HADH: variants seen among roughly 807,000 people sequenced by gnomAD.
The protein encoded by HADH is hydroxyacyl-CoA dehydrogenase.
HADH carries 24 observed loss-of-function variants against 32.2 expected under a neutral mutation model. The ratio of observed to expected loss-of-function variants is 0.75; its 90% CI spans 0.54 to 1.05. The LOEUF (loss-of-function observed/expected upper bound fraction) is 1.05. Ranked by LOEUF, HADH falls within the 50% of genes least tolerant of loss-of-function variation. The probability of loss-of-function intolerance (pLI) is 0.00; values close to 1 mark genes in which losing one functional copy is unlikely to be tolerated. For missense variants in HADH, 350 were observed against 397.1 expected (o/e 0.88, Z 1.01); for synonymous variants, 139 against 152.5 (o/e 0.91, Z 0.65).
chr4:108,019,389 A>G, intron 3 of HADH, 151 bp from the exon 4 acceptor site: 1 of 743,168 alleles, frequency 1.3e-6, no homozygotes, highest in South Asian at 1.4e-5. Context: ...TCAGCCTCTT[A>G]TATGAAGATG....
chr4:108,010,703 A>G (rs978430896), intron 2 of HADH, among the ~76,000 whole-genome samples: 1 of 152,168 alleles, frequency 6.6e-6, no homozygotes, highest in Non-Finnish European at 1.5e-5. Context: ...ATTTTAAACT[A>G]TACAATTCAG....
intron 1 of HADH, among the ~76,000 whole-genome samples, chr4:107,994,161 CTCT>C (rs1174503556): frequency 6.6e-6 from 1 of 152,050 alleles, no homozygotes; most frequent in Non-Finnish European, 1.5e-5. Context: ...TAGTGCACTA[CTCT>C]TCTTTGAGGA....
intron 5 of HADH, chr4:108,026,460 A>G (rs1168145543): frequency 6.6e-6 from 1 of 152,224 alleles, no homozygotes; most frequent in Non-Finnish European, 1.5e-5. Context: ...TTGAGTCTAT[A>G]GTGAACCTTT....
intron 1 of HADH, 152 bp downstream of exon 1, chr4:107,990,216 C>G (rs972768857): frequency 2.9e-4 from 232 of 811,254 alleles, no homozygotes; most frequent in Non-Finnish European, 2.7e-4. Flanking sequence ...TATCTCGCGT[C>G]TGGGCCTGTG....
intron 6 of HADH, chr4:108,032,399 T>A: frequency 3.3e-6 from 5 of 1,527,658 alleles, no homozygotes; most frequent in Non-Finnish European, 4.5e-6. Flanking sequence ...AAAAGGTTTG[T>A]GTGAAATGTG....
At chr4:107,998,626 A>G (rs753425037) in intron 1 of HADH, among the ~76,000 whole-genome samples, 9 of 152,288 alleles carry the variant, frequency 5.9e-5, no homozygotes, top group Admixed American at 2.0e-4. Flanking sequence ...GGTGAGGCCA[A>G]GAGAAGGGCT....
At chr4:108,023,363 C>CA in intron 4 of HADH, 111 bp from the exon 5 acceptor site, 2 of 733,032 alleles carry the variant, frequency 2.7e-6, no homozygotes, top group Non-Finnish European at 2.5e-6. Context: ...TGCTGAAACT[C>CA]AAACTATTTT....
At chr4:108,009,951 TG>T in intron 2 of HADH, 64 bp downstream of exon 2, 1 of 1,098,166 alleles carries the variant, frequency 9.1e-7, no homozygotes, top group Non-Finnish European at 1.4e-6. Flanking sequence ...TGCAGGGCAA[TG>T]GGGGATTTCT....
chr4:108,005,006 G>T, intron 1 of HADH: 2 of 991,972 alleles, frequency 2.0e-6, no homozygotes. Context: ...CAGTTTAAAT[G>T]TTTATTTTAT....
At chr4:107,998,180 G>T in intron 1 of HADH, among the ~76,000 whole-genome samples, 1 of 152,222 alleles carries the variant, frequency 6.6e-6, no homozygotes, top group Non-Finnish European at 1.5e-5. Context: ...AGTTTGGTAG[G>T]TGCTGTGGTA....
intron 3 of HADH, among the ~76,000 whole-genome samples, chr4:108,017,061 C>T (rs143718732): frequency 2.0e-4 from 31 of 152,294 alleles, no homozygotes; most frequent in African/African-American, 7.5e-4. Context: ...CCTTTCTTGG[C>T]ACTGTTTGTT....
intron 2 of HADH, among the ~76,000 whole-genome samples, chr4:108,011,402 CA>C (rs368059207): frequency 2.2e-4 from 33 of 152,228 alleles, no homozygotes; most frequent in African/African-American, 7.0e-4. Flanking sequence ...TCTTACATGG[CA>C]GCAGGCAAGA....
rs751811146 is a variant in HADH at position 108,009,856 on chromosome 4, T to A, written c.230T>A (p.Val77Glu). 6.2e-7 allele frequency: 1 copy of A among 1,611,676 alleles called. No homozygotes were observed. The highest frequency in any genetic ancestry group is 1.3e-5 in the African/African-American group (1 of 74,890). The change falls in exon 2 of 8, where the codon GTG becomes GAG. Residue 77 changes from valine (V) to glutamate (E), a missense_variant. Physicochemically the swap from Val to Glu is moderately radical, Grantham distance 121. Transcript: ENST00000309522. ...KKGIEESLRKVAKKKFAENLK... is the reference protein window; with the variant it reads ...KKGIEESLRKEAKKKFAENLK... ...GGAATTGAGGAAAGCCTTAGGAAAG[T>A]GGCAAAGAAGAAGTTTGCAGAAAAC...
At chr4:108,017,768 C>T (rs116043149) in intron 3 of HADH, among the ~76,000 whole-genome samples, 1,744 of 152,160 alleles carry the variant, frequency 0.011, 39 homozygotes, top group African/African-American at 0.038. Flanking sequence ...AGGCTCGTCT[C>T]GAACTCCTGA....
intron 1 of HADH, among the ~76,000 whole-genome samples, chr4:107,997,850 A>G (rs1285220156): frequency 6.6e-6 from 1 of 152,132 alleles, no homozygotes; most frequent in Non-Finnish European, 1.5e-5. Context: ...CTTTTTTTGC[A>G]GTTCATTTCT....
intron 2 of HADH, among the ~76,000 whole-genome samples, 159 bp from the exon 3 acceptor site, chr4:108,014,272 G>T (rs1314802001): frequency 1.3e-5 from 2 of 152,240 alleles, no homozygotes; most frequent in East Asian, 3.8e-4. Context: ...AGCTATGGAA[G>T]GATAAATTAC....
chr4:108,009,475 G>A (rs556904120), intron 1 of HADH, among the ~76,000 whole-genome samples: 6 of 152,272 alleles, frequency 3.9e-5, no homozygotes, highest in African/African-American at 7.2e-5. Flanking sequence ...TTCAGATTCC[G>A]GCTCTGCTGT....
intron 1 of HADH, among the ~76,000 whole-genome samples, chr4:108,006,802 T>C (rs1735306874): frequency 6.6e-6 from 1 of 152,202 alleles, no homozygotes; most frequent in Non-Finnish European, 1.5e-5. Flanking sequence ...ATAGGTGCAC[T>C]TGTTTATCAG....
In HADH at chr4:108,009,781, CA is replaced by C; in HGVS notation, c.156del (p.Val53Ter). 6.2e-7 allele frequency: 1 copy of C among 1,612,928 alleles called. No homozygotes were observed. Among genetic ancestry groups the C allele is most frequent in the Non-Finnish European group, 8.5e-7 (1 of 1,178,992 alleles). On this transcript the variant is annotated frameshift_variant, in exon 2 of 8. Transcript: ENST00000309522. LOFTEE classifies it high-confidence loss of function. ...TAGGTTGCTGCAGCAACTGGTCACA[CA>C]GTAGTGTTGGTAGACCAGACAGAGG... ...IAQVAAATGH[T>X]VVLVDQTEDI...
Sources: gnomAD v4.1 joint callset for allele counts (sites outside exome capture counted in the v4.1 genomes callset) on GRCh38, gnomAD v4.1.1 for gene constraint, MANE v1.5 for transcripts, NCBI Gene and HGNC (gene_info 2026-07-23, HGNC 2026-07-21) for gene names.